The following DLC1 variants were observed in gnomAD, a reference collection of about 807,000 sequenced individuals.
The protein encoded by DLC1 is rho GTPase-activating protein 7.
A neutral mutation model predicts 140.3 loss-of-function variants in DLC1; 54 were observed. That is an observed-to-expected ratio of 0.38 (90% CI 0.31 to 0.48). The LOEUF (loss-of-function observed/expected upper bound fraction) is 0.48. DLC1 is among the 20% of genes least tolerant of loss of function. DLC1 has a pLI of 0.96. For missense variants in DLC1, 2,536 were observed against 1,907.0 expected (o/e 1.33, Z -6.14); for synonymous variants, 986 against 728.1 (o/e 1.35, Z -5.70).
chr8:13,156,457 G>T (rs1035994604), intron 5 of DLC1, among the ~76,000 whole-genome samples: 38 of 152,120 alleles, frequency 2.5e-4, no homozygotes, highest in African/African-American at 8.7e-4. Flanking sequence ...TTGTTCTGTT[G>T]TGTGAGTTGC....
intron 4 of DLC1, among the ~76,000 whole-genome samples, chr8:13,366,161 T>C (rs1045506671): frequency 6.6e-5 from 10 of 152,350 alleles, no homozygotes; most frequent in Middle Eastern, 3.4e-3. Context: ...AACACTGGGT[T>C]CCTCCTAGTC....
At chr8:13,418,671 G>A (rs1336086541) in intron 2 of DLC1, among the ~76,000 whole-genome samples, 6 of 152,150 alleles carry the variant, frequency 3.9e-5, no homozygotes, top group Non-Finnish European at 5.9e-5. Context: ...TTGTTCTTTT[G>A]GCTTAGGATT....
intron 1 of DLC1, among the ~76,000 whole-genome samples, chr8:13,561,233 C>A (rs1804231904): frequency 6.6e-6 from 1 of 151,898 alleles, no homozygotes; most frequent in African/African-American, 2.4e-5. Context: ...AATCCTCCTG[C>A]CTCAGCCTCC....
At chr8:13,427,110 A>T (rs1307633422) in intron 2 of DLC1, among the ~76,000 whole-genome samples, 1 of 152,104 alleles carries the variant, frequency 6.6e-6, no homozygotes, top group African/African-American at 2.4e-5. Flanking sequence ...TCTTTTACAC[A>T]TTTGTCTTCA....
At chr8:13,519,565 A>T (rs772577075), upstream of DLC1, among the ~76,000 whole-genome samples, 31 of 152,196 alleles carry the variant, frequency 2.0e-4, no homozygotes, top group South Asian at 4.1e-4. Flanking sequence ...TTTGACACCC[A>T]ACTTGGTAAC....
intron 5 of DLC1, among the ~76,000 whole-genome samples, chr8:13,268,986 T>C (rs576873860): frequency 6.6e-6 from 1 of 150,880 alleles, no homozygotes; most frequent in South Asian, 2.1e-4. Flanking sequence ...GCCATTCTCC[T>C]GCCTCAGCCT....
rs149515224 is a variant in DLC1, at chr8:13,456,116, C to T, written c.1023+42933G>A. On this transcript the variant is annotated intron_variant, in intron 2 of 17. Coordinates refer to ENST00000276297, the MANE Select transcript of DLC1 (RefSeq NM_182643.3). ...AGATTTGCAGCAGAGTTTCCCGTAA[C>T]AGCAAAATCTTAGATTAGGGCTTCT... Among the ~76,000 whole-genome samples, 625 of 152,320 alleles carry T rather than the reference C, an allele frequency of 4.1e-3. 8 individuals are homozygous for T. Among genetic ancestry groups the T allele is most frequent in the African/African-American group, 0.015 (606 of 41,564 alleles).
chr8:13,304,105 A>C lies in DLC1; in HGVS notation c.1348+1164T>G, dbSNP rs544364478. 3.3e-5 allele frequency among the ~76,000 whole-genome samples: 5 copies of C among 152,336 alleles called. No individual in the cohort carries two copies. The East Asian group carries it at 9.7e-4, about 29-fold the overall frequency. On this transcript the variant is annotated intron_variant, in intron 5 of 17. Coordinates refer to ENST00000276297, the MANE Select transcript of DLC1 (RefSeq NM_182643.3). ...CAGTGAATTATGGGGACAGCTATGT[A>C]AGATACTGGAGATTTAAAACTTTAA...
At chr8:13,436,656 C>T (rs778748082) in intron 2 of DLC1, among the ~76,000 whole-genome samples, 18 of 152,084 alleles carry the variant, frequency 1.2e-4, no homozygotes, top group African/African-American at 3.1e-4. Context: ...AACAGACGAA[C>T]GGAGGAGGAA....
At chr8:13,288,764 C>G (rs888940702) in intron 5 of DLC1, among the ~76,000 whole-genome samples, 1 of 152,082 alleles carries the variant, frequency 6.6e-6, no homozygotes, top group Non-Finnish European at 1.5e-5. Flanking sequence ...TGCTGGCCTG[C>G]AACTTTCTAG....
At chr8:13,220,247 G>A (rs1199143657) in intron 5 of DLC1, among the ~76,000 whole-genome samples, 1 of 152,152 alleles carries the variant, frequency 6.6e-6, no homozygotes, top group Non-Finnish European at 1.5e-5. Context: ...AAGGGAAATT[G>A]TGAAGCCTTT....
intron 5 of DLC1, among the ~76,000 whole-genome samples, chr8:13,191,205 A>T (rs772808364): frequency 1.3e-5 from 2 of 152,188 alleles, no homozygotes; most frequent in Non-Finnish European, 2.9e-5. Context: ...GTTTGCTTAC[A>T]TTGCTATTAA....
At chr8:13,432,087 G>T (rs1157868604) in intron 2 of DLC1, among the ~76,000 whole-genome samples, 2 of 152,120 alleles carry the variant, frequency 1.3e-5, no homozygotes, top group Non-Finnish European at 2.9e-5. Context: ...TTCTTTGGTT[G>T]ATATTTGAAA....
At chr8:13,450,288 C>T (rs943981711) in intron 2 of DLC1, among the ~76,000 whole-genome samples, 2 of 151,440 alleles carry the variant, frequency 1.3e-5, no homozygotes, top group Non-Finnish European at 2.9e-5. Flanking sequence ...AACGCTGTCT[C>T]TACTAAAAAT....
intron 2 of DLC1, among the ~76,000 whole-genome samples, chr8:13,427,320 G>T (rs1161043253): frequency 2.0e-5 from 3 of 152,040 alleles, no homozygotes; most frequent in Non-Finnish European, 2.9e-5. Context: ...GGCTCATTCT[G>T]TTCTGTCCTC....
At position 13,602,162 on chromosome 8, in the gene DLC1, G is replaced by A. The variant is rs113473819; in HGVS notation, c.-126+2375C>T. ...GAGGAACATGTTAAACAATACCATGGTATTGCAATCAGCAAAATCCAGAAA... is the reference window on the plus strand; with the variant it reads ...GAGGAACATGTTAAACAATACCATGATATTGCAATCAGCAAAATCCAGAAA... On this transcript the variant is annotated intron_variant, in intron 1 of 1. Coordinates refer to the DLC1 transcript ENST00000631382. 7.6e-3 allele frequency among the ~76,000 whole-genome samples: 1,156 copies of A among 151,876 alleles called. 14 individuals carry two copies. Among genetic ancestry groups the A allele is most frequent in the African/African-American group, 0.026 (1,093 of 41,498 alleles).
chr8:13,567,574 A>G, intron 1 of DLC1: 11 of 1,551,766 alleles, frequency 7.1e-6, no homozygotes, highest in South Asian at 3.6e-5. Context: ...TAAGCAACAC[A>G]TATCTTATCA....
chr8:13,276,752 T>A, intron 5 of DLC1: 1 of 287,250 alleles, frequency 3.5e-6, no homozygotes, highest in Non-Finnish European at 5.3e-6. Context: ...TCAGGGGCAG[T>A]CCAGGTGACC....
intron 4 of DLC1, chr8:13,341,027 G>A (rs1834019179): frequency 6.6e-6 from 1 of 152,164 alleles, no homozygotes; most frequent in South Asian, 2.1e-4. Context: ...GGTCAATATT[G>A]AGACTCATGG....
Sources: gnomAD v4.1 joint callset for allele counts (sites outside exome capture counted in the v4.1 genomes callset) on GRCh38, gnomAD v4.1.1 for gene constraint, MANE v1.5 for transcripts, NCBI Gene and HGNC (gene_info 2026-07-23, HGNC 2026-07-21) for gene names.